The following SERAC1 variants were observed in gnomAD, a reference collection of about 807,000 sequenced individuals.
The protein encoded by SERAC1 is protein SERAC1.
Under a neutral mutation model 85.7 loss-of-function variants are expected in SERAC1, and 36 were observed. That is an observed-to-expected ratio of 0.42 (90% confidence interval 0.32 to 0.55). SERAC1 has a LOEUF of 0.55. SERAC1 is among the 20% of genes least tolerant of loss of function. The probability of loss-of-function intolerance (pLI) is 0.11; values close to 1 mark genes in which losing one functional copy is unlikely to be tolerated. For missense variants in SERAC1, 629 were observed against 796.2 expected, an observed-to-expected ratio of 0.79 and a Z score of 2.53; for synonymous variants, 242 against 265.3, an observed-to-expected ratio of 0.91 and a Z score of 0.85.
chr6:158,150,417 C>A lies in SERAC1; in HGVS notation c.265+36G>T, dbSNP rs887092217. On this transcript the variant is annotated intron_variant, in intron 4 of 16. Transcript: ENST00000647468. ...ATTTTTAAATGCAATAACTAGCTTCCATTTTTCACAGAGGATTACTTTACA... is the reference window on the plus strand; with the variant it reads ...ATTTTTAAATGCAATAACTAGCTTCAATTTTTCACAGAGGATTACTTTACA... 8.0e-6 allele frequency: 12 copies of A among 1,498,418 alleles called. No individual in the cohort carries two copies. In the East Asian group the frequency reaches 2.7e-4, roughly 34 times the overall value. 92.8% of individuals were successfully genotyped at this position (1,498,418 alleles called of 1,614,324 possible). A position where few individuals can be genotyped will look rare whatever the true frequency, so the allele number is the denominator to read the frequency against.
chr6:158,129,228 C>A (rs1277079492), intron 9 of SERAC1, among the ~76,000 whole-genome samples: 1 of 152,196 alleles, frequency 6.6e-6, no homozygotes, highest in Non-Finnish European at 1.5e-5. Context: ...TTTCCCAGGT[C>A]CCTTCTGTAC....
At chr6:158,144,810 C>T (rs769116173) in intron 6 of SERAC1, among the ~76,000 whole-genome samples, 1 of 152,190 alleles carries the variant, frequency 6.6e-6, no homozygotes, top group Non-Finnish European at 1.5e-5. Context: ...TGATATGGTG[C>T]TTTGGTATTC....
intron 12 of SERAC1, 111 bp downstream of exon 12, chr6:158,118,918 G>T: frequency 7.7e-7 from 1 of 1,300,446 alleles, no homozygotes; most frequent in Non-Finnish European, 1.1e-6. Context: ...AGGGAAAGAA[G>T]AACTGCATGG....
chr6:158,131,069 CATAA>C (rs935156766), intron 8 of SERAC1, among the ~76,000 whole-genome samples: 5 of 151,808 alleles, frequency 3.3e-5, no homozygotes, highest in Non-Finnish European at 7.4e-5. Flanking sequence ...CATATTAAAA[CATAA>C]ATAAAAACAT....
rs942710927 is a variant in SERAC1 at position 158,148,786 on chromosome 6, GA to G, written c.355+78del. The G allele has an allele frequency of 3.0e-5, 31 of 1,034,454 alleles. No individual in the cohort carries two copies. In the Admixed American group the frequency reaches 5.6e-4, roughly 19 times the overall value. The allele number at this position is 1,034,454 out of a possible 1,614,324, so 64.1% of individuals were successfully genotyped here. A position where few individuals can be genotyped will look rare whatever the true frequency, so the allele number is the denominator to read the frequency against. Reference sequence around the variant, plus strand: ...TATAAAAAATATTAGTATAAGAAATGAAAAAAAGTATCAGGTTGATCATTCC... The same window carrying G: ...TATAAAAAATATTAGTATAAGAAATGAAAAAAGTATCAGGTTGATCATTCC... On this transcript the variant is annotated intron_variant, in intron 5 of 16. Transcript: ENST00000647468.
rs552272776 is a variant in SERAC1, at chr6:158,116,417, T to C, written c.1404-135A>G. On this transcript the variant is annotated intron_variant, in intron 13 of 16. Coordinates refer to ENST00000647468, the MANE Select transcript of SERAC1 (RefSeq NM_032861.4). ...ACATTTAGAGTAAGAAATACCCCCA[T>C]TCTCTCTGCTTAATATAAAATACCC... 8.3e-5 allele frequency: 54 copies of C among 648,302 alleles called. No individual in the cohort carries two copies. The African/African-American group carries it at 9.6e-4, about 12-fold the overall frequency. The allele number at this position is 648,302 out of a possible 1,614,324, so 40.2% of individuals were successfully genotyped here. A position where few individuals can be genotyped will look rare whatever the true frequency, so the allele number is the denominator to read the frequency against.
chr6:158,151,886 T>A (rs1432228479), intron 3 of SERAC1, among the ~76,000 whole-genome samples: 2 of 150,274 alleles, frequency 1.3e-5, no homozygotes, highest in African/African-American at 5.0e-5. Context: ...AAAAAAAAAA[T>A]ACAGTAAGCT....
rs1246087005 is a variant in SERAC1 at position 158,120,794 on chromosome 6, AAG to A, written c.1016-221_1016-220del. On this transcript the variant is annotated intron_variant, in intron 10 of 16. Coordinates refer to ENST00000647468, the MANE Select transcript of SERAC1 (RefSeq NM_032861.4). The surrounding 1 kb of genome is among the most constrained non-coding windows in gnomAD (Gnocchi z 4.4). ...CCCCTTAAGGGACCTCAAAGAAGGAAAGAGGGGTTGAAGAGCCATTTTCTTTA... is the reference window on the plus strand; with the variant it reads ...CCCCTTAAGGGACCTCAAAGAAGGAAAGGGGTTGAAGAGCCATTTTCTTTA... 1.3e-5 allele frequency among the ~76,000 whole-genome samples: 2 copies of A among 152,182 alleles called. No homozygotes were observed. The highest frequency in any genetic ancestry group is 4.8e-5 in the African/African-American group (2 of 41,458).
At chr6:158,125,193 T>C (rs1027395671) in intron 10 of SERAC1, among the ~76,000 whole-genome samples, 1 of 152,146 alleles carries the variant, frequency 6.6e-6, no homozygotes, top group Non-Finnish European at 1.5e-5. Flanking sequence ...TAATTCATGT[T>C]TGAAGTGATT....
chr6:158,122,543 A>T (rs1784446950), intron 10 of SERAC1, among the ~76,000 whole-genome samples: 1 of 152,166 alleles, frequency 6.6e-6, no homozygotes, highest in Non-Finnish European at 1.5e-5. Context: ...ACACTTTGGG[A>T]GGCTGAGGCA....
rs141727699 is a variant in SERAC1 at position 158,127,028 on chromosome 6, C to T, written c.1015+1080G>A. 4.0e-3 allele frequency among the ~76,000 whole-genome samples: 589 copies of T among 147,654 alleles called. 6 individuals carry two copies. The highest frequency in any genetic ancestry group is 0.014 in the African/African-American group (564 of 39,652). On this transcript the variant is annotated intron_variant, in intron 10 of 16. Transcript: ENST00000647468. ...TGACCACACCACTGCACTCTAGCTTCAGCAACACAGTGAGATTCTCTCAAA... is the reference window on the plus strand; with the variant it reads ...TGACCACACCACTGCACTCTAGCTTTAGCAACACAGTGAGATTCTCTCAAA...
intron 9 of SERAC1, among the ~76,000 whole-genome samples, chr6:158,128,716 C>T (rs1323921120): frequency 6.6e-6 from 1 of 152,180 alleles, no homozygotes; most frequent in African/African-American, 2.4e-5. Context: ...CAGGGCGAGA[C>T]CAGTGACCTC....
At chr6:158,114,716 A>ATAT in intron 15 of SERAC1, 73 bp downstream of exon 15, 43 of 1,594,340 alleles carry the variant, frequency 2.7e-5, no homozygotes, top group African/African-American at 4.0e-5. Flanking sequence ...CATTCAAGGA[A>ATAT]GAAACTTTTT....
intron 3 of SERAC1, chr6:158,151,038 C>T (rs1373895772): frequency 6.5e-6 from 1 of 154,618 alleles, no homozygotes; most frequent in Non-Finnish European, 1.4e-5. Flanking sequence ...CTTCTACCTA[C>T]CTGTAAAATG....
intron 3 of SERAC1, among the ~76,000 whole-genome samples, chr6:158,154,320 GAATAT>G (rs1412559850): frequency 2.0e-5 from 3 of 152,078 alleles, no homozygotes; most frequent in Admixed American, 6.5e-5. Context: ...CTATATTCCT[GAATAT>G]AATTGTGAGC....
rs1467694930 is a variant in SERAC1, at chr6:158,117,511, A to G, written c.1403+216T>C. On this transcript the variant is annotated intron_variant, in intron 13 of 16. Coordinates refer to ENST00000647468, the MANE Select transcript of SERAC1 (RefSeq NM_032861.4). The surrounding 1 kb of genome is among the most constrained non-coding windows in gnomAD (Gnocchi z 4.3). ...ACAGTTGTAAATAAACCATGTTAGG[A>G]GCCCACCATTGGTGATATACCTAAG... 13 of 1,550,132 alleles carry G rather than the reference A, an allele frequency of 8.4e-6. No homozygotes were observed. The Admixed American group carries it at 2.6e-4, about 30-fold the overall frequency.
chr6:158,114,463 T>G, intron 15 of SERAC1: 2 of 1,103,520 alleles, frequency 1.8e-6, no homozygotes, highest in Non-Finnish European at 2.2e-6. Flanking sequence ...CAGTTGATGA[T>G]TCTCCACTCA....
At chr6:158,158,041 G>A (rs1338425155) in intron 2 of SERAC1, among the ~76,000 whole-genome samples, 4 of 152,310 alleles carry the variant, frequency 2.6e-5, no homozygotes, top group Non-Finnish European at 1.5e-5. Context: ...AGTTTAGGAT[G>A]ATGAGTATGA....
At chr6:158,153,508 T>C (rs564992222) in intron 3 of SERAC1, among the ~76,000 whole-genome samples, 1 of 152,240 alleles carries the variant, frequency 6.6e-6, no homozygotes, top group South Asian at 2.1e-4. Flanking sequence ...AGTATACATA[T>C]TCAATTTTAC....
Sources: gnomAD v4.1 joint callset for allele counts (sites outside exome capture counted in the v4.1 genomes callset) on GRCh38, gnomAD v4.1.1 for gene constraint, Gnocchi (gnomAD v3.1) non-coding constraint, MANE v1.5 for transcripts, NCBI Gene and HGNC (gene_info 2026-07-23, HGNC 2026-07-21) for gene names.